TMEM163: variants seen among roughly 807,000 people sequenced by gnomAD.
The protein encoded by TMEM163 is transmembrane protein 163.
TMEM163 carries 17 observed loss-of-function variants against 29.3 expected under a neutral mutation model. That is an observed-to-expected ratio of 0.58 (90% CI 0.40 to 0.87). TMEM163 has a LOEUF of 0.87. TMEM163 is among the 40% of genes least tolerant of loss of function. TMEM163 has a pLI of 0.00. For missense variants in TMEM163, 303 were observed against 381.5 expected (o/e 0.79, Z 1.71); for synonymous variants, 157 against 160.6 (o/e 0.98, Z 0.17).
At chr2:134,527,262 C>T (rs1680315744) in intron 4 of TMEM163, among the ~76,000 whole-genome samples, 1 of 152,004 alleles carries the variant, frequency 6.6e-6, no homozygotes, top group Non-Finnish European at 1.5e-5. Context: ...TACGTGTATG[C>T]ATCTATACAT....
chr2:134,663,194 C>G (rs1683796264), intron 2 of TMEM163, among the ~76,000 whole-genome samples: 1 of 152,222 alleles, frequency 6.6e-6, no homozygotes, highest in Non-Finnish European at 1.5e-5. Flanking sequence ...GGCCAGAGTT[C>G]CCTTCCTATA....
At chr2:134,489,930 T>C (rs987190045) in intron 5 of TMEM163, among the ~76,000 whole-genome samples, 1 of 152,236 alleles carries the variant, frequency 6.6e-6, no homozygotes, top group South Asian at 2.1e-4. Flanking sequence ...CCTGGTTATA[T>C]CCCTTTCCTA....
intron 2 of TMEM163, among the ~76,000 whole-genome samples, chr2:134,570,802 T>G (rs1262341878): frequency 6.6e-6 from 1 of 152,128 alleles, no homozygotes; most frequent in Non-Finnish European, 1.5e-5. Context: ...TGGGGTCAAT[T>G]CAAGGCCACT....
chr2:134,548,977 T>G (rs896543122), intron 4 of TMEM163, among the ~76,000 whole-genome samples: 4 of 152,170 alleles, frequency 2.6e-5, no homozygotes, highest in Non-Finnish European at 2.9e-5. Flanking sequence ...CAACCATCAT[T>G]TGAAATTTTT....
intron 5 of TMEM163, among the ~76,000 whole-genome samples, chr2:134,500,097 G>T (rs76144099): frequency 0.022 from 3,375 of 152,214 alleles, 102 homozygotes; most frequent in East Asian, 0.16. Flanking sequence ...ATTCCAGCAT[G>T]ATATCTCCAG....
At chr2:134,552,198 G>A in intron 2 of TMEM163, 107 bp from the exon 3 acceptor site, 1 of 814,918 alleles carries the variant, frequency 1.2e-6, no homozygotes, top group Non-Finnish European at 1.9e-6. Context: ...AGTTCCAAGA[G>A]AACAAAACCA....
At chr2:134,592,582 G>C (rs921974040) in intron 2 of TMEM163, among the ~76,000 whole-genome samples, 1 of 152,060 alleles carries the variant, frequency 6.6e-6, no homozygotes, top group South Asian at 2.1e-4. Flanking sequence ...CAAAAGGGAG[G>C]GGGTATAACA....
intron 2 of TMEM163, among the ~76,000 whole-genome samples, chr2:134,585,661 G>A (rs1262575927): frequency 1.3e-5 from 2 of 151,356 alleles, no homozygotes; most frequent in South Asian, 2.1e-4. Flanking sequence ...AGGATGGCGT[G>A]AACCCGGGAG....
intron 2 of TMEM163, among the ~76,000 whole-genome samples, chr2:134,560,671 A>T (rs2104777084): frequency 6.6e-6 from 1 of 152,328 alleles, no homozygotes; most frequent in East Asian, 1.9e-4. Flanking sequence ...CAGAAAGCCA[A>T]GAGCCAACAC....
intron 2 of TMEM163, among the ~76,000 whole-genome samples, chr2:134,689,332 T>C (rs1684413885): frequency 6.6e-6 from 1 of 152,212 alleles, no homozygotes; most frequent in South Asian, 2.1e-4. Flanking sequence ...GGTCTCAATC[T>C]CCTGACCTCA....
At chr2:134,605,622 C>A (rs747370078) in intron 2 of TMEM163, among the ~76,000 whole-genome samples, 1 of 150,286 alleles carries the variant, frequency 6.7e-6, no homozygotes, top group Non-Finnish European at 1.5e-5. Flanking sequence ...CACTGGAACC[C>A]GGGAGGTGAG....
Position 134,631,008 on chromosome 2 carries a change from T to C in TMEM163, c.323-78917A>G, listed in dbSNP as rs1269603527. On this transcript the variant is annotated intron_variant, in intron 2 of 7. Coordinates refer to ENST00000281924, the MANE Select transcript of TMEM163 (RefSeq NM_030923.5). ...CTCACTCAGCTAAGTGTCAAACACT[T>C]GAGGGAAAAAAAAAATTGGTTTAAA... 4.3e-5 allele frequency among the ~76,000 whole-genome samples: 3 copies of C among 69,278 alleles called. No homozygotes were observed. In the East Asian group the frequency reaches 6.3e-4, roughly 15 times the overall value. 45.4% of individuals were successfully genotyped at this position (69,278 alleles called of 152,430 possible).
intron 2 of TMEM163, among the ~76,000 whole-genome samples, chr2:134,633,384 C>G (rs1296646398): frequency 6.6e-6 from 1 of 152,092 alleles, no homozygotes; most frequent in Non-Finnish European, 1.5e-5. Flanking sequence ...TCATTATCTT[C>G]CAAATCTTAG....
intron 2 of TMEM163, among the ~76,000 whole-genome samples, chr2:134,556,580 G>C (rs1681053878): frequency 6.6e-6 from 1 of 152,188 alleles, no homozygotes; most frequent in Admixed American, 6.5e-5. Context: ...AGCACTTAGG[G>C]AGGCCAAGGC....
rs1553471206 is a variant in TMEM163, at chr2:134,460,077, C to CCG, written c.668-1905_668-1904insCG. ...CCTCGAGCCCCTTGCCAGATGTTAC[C>CCG]CCCCCCCAAATTCATTCTCACTCTC... is the stretch of plus-strand genomic sequence containing the variant. On this transcript the variant is annotated intron_variant, in intron 6 of 7. Coordinates refer to ENST00000281924, the MANE Select transcript of TMEM163 (RefSeq NM_030923.5). The surrounding 1 kb of genome is among the most constrained non-coding windows in gnomAD (Gnocchi z 4.3). Among the ~76,000 whole-genome samples the CCG allele has an allele frequency of 4.6e-3, 594 of 129,502 alleles. 7 individuals carry two copies. Among genetic ancestry groups the CCG allele is most frequent in the African/African-American group, 0.018 (547 of 30,398 alleles). The allele number at this position is 129,502 out of a possible 152,430, so 85.0% of individuals were successfully genotyped here. A position where few individuals can be genotyped will look rare whatever the true frequency, so the allele number is the denominator to read the frequency against.
chr2:134,713,414 C>A, intron 1 of TMEM163, 95 bp from the exon 2 acceptor site: 1 of 1,558,372 alleles, frequency 6.4e-7, no homozygotes. Context: ...TGCAAACTAA[C>A]AGCCCGTGGG....
chr2:134,544,794 C>CAATA (rs1212969832), intron 4 of TMEM163, among the ~76,000 whole-genome samples: 2 of 152,048 alleles, frequency 1.3e-5, no homozygotes, highest in African/African-American at 2.4e-5. Flanking sequence ...GACTCTGTCT[C>CAATA]AATAAATAAA....
chr2:134,653,012 T>C (rs1322282521), intron 2 of TMEM163, among the ~76,000 whole-genome samples: 1 of 132,890 alleles, frequency 7.5e-6, no homozygotes. Flanking sequence ...ACTCTCTTTT[T>C]TGGTTGTGTC....
intron 2 of TMEM163, among the ~76,000 whole-genome samples, chr2:134,630,805 T>A (rs1395599120): frequency 1.3e-5 from 2 of 152,230 alleles, no homozygotes; most frequent in Non-Finnish European, 2.9e-5. Context: ...TCTAGGATGC[T>A]TTTTGAAACT....
Sources: gnomAD v4.1 joint callset for allele counts (sites outside exome capture counted in the v4.1 genomes callset) on GRCh38, gnomAD v4.1.1 for gene constraint, Gnocchi (gnomAD v3.1) non-coding constraint, MANE v1.5 for transcripts, NCBI Gene and HGNC (gene_info 2026-07-23, HGNC 2026-07-21) for gene names.